ZNF565: variants seen among roughly 807,000 people sequenced by gnomAD.
ZNF565 encodes the protein zinc finger protein 565.
Under a neutral mutation model 39.4 loss-of-function variants are expected in ZNF565, and 27 were observed. That is an observed-to-expected ratio of 0.69 (90% CI 0.51 to 0.95). The LOEUF (loss-of-function observed/expected upper bound fraction) is 0.95, where lower values mean the gene tolerates loss of function less well. Among genes scored for constraint, ZNF565 ranks in the 40% least tolerant of loss-of-function variants. The pLI is 0.00. For synonymous variants in ZNF565, 185 were observed against 216.6 expected, an observed-to-expected ratio of 0.85 and a Z score of 1.28; for missense variants, 524 against 621.1, an observed-to-expected ratio of 0.84 and a Z score of 1.66.
At chr19:36,195,287 C>T (rs889526845) in intron 2 of ZNF565, 131 bp from the exon 3 acceptor site, 1 of 1,076,238 alleles carries the variant, frequency 9.3e-7, no homozygotes, top group African/African-American at 1.6e-5. Flanking sequence ...CAGTCTGCTT[C>T]AACAGTTAAC....
intron 1 of ZNF565, among the ~76,000 whole-genome samples, chr19:36,222,311 G>T (rs1424561414): frequency 6.6e-6 from 1 of 152,146 alleles, no homozygotes; most frequent in Non-Finnish European, 1.5e-5. Flanking sequence ...GATGCACCAT[G>T]GTTGATTCAG....
upstream of ZNF565, among the ~76,000 whole-genome samples, chr19:36,216,045 C>T (rs567486925): frequency 4.9e-4 from 74 of 152,126 alleles, no homozygotes; most frequent in Non-Finnish European, 8.8e-4. Context: ...ATCACCCCGC[C>T]CCCGCTGTCG....
rs189464498 is a variant in ZNF565, at chr19:36,232,028, C to G, written c.55+13448G>C. Among the ~76,000 whole-genome samples the G allele has an allele frequency of 4.4e-4, 67 of 151,974 alleles. 1 individual carries two copies. The East Asian group carries it at 0.01, about 24-fold the overall frequency. On this transcript the variant is annotated intron_variant, in intron 1 of 4. Transcript: ENST00000355114. Reference sequence around the variant, plus strand: ...GACTGGCCTGGCCAACATGGTAAAACCCCGTTTCTATTAAAAATACAAAAA... The same window carrying G: ...GACTGGCCTGGCCAACATGGTAAAAGCCCGTTTCTATTAAAAATACAAAAA...
chr19:36,239,942 A>AAT (rs1977770371), intron 1 of ZNF565, among the ~76,000 whole-genome samples: 1 of 152,230 alleles, frequency 6.6e-6, no homozygotes, highest in Non-Finnish European at 1.5e-5. Context: ...AACCTTAAAA[A>AAT]ACTCATTAAA....
intron 4 of ZNF565, among the ~76,000 whole-genome samples, chr19:36,186,411 T>G (rs1975301492): frequency 2.0e-5 from 3 of 152,204 alleles, no homozygotes; most frequent in Non-Finnish European, 4.4e-5. Context: ...GATTTTCATT[T>G]ACATATTCAT....
chr19:36,214,478 GCA>G (rs923756567), intron 1 of ZNF565, 142 bp downstream of exon 1: 35 of 153,306 alleles, frequency 2.3e-4, no homozygotes, highest in African/African-American at 8.4e-4. Context: ...GGTTACACGT[GCA>G]CAGTTGCAGA....
At chr19:36,213,150 G>C (rs1976425929) in intron 1 of ZNF565, 1 of 151,798 alleles carries the variant, frequency 6.6e-6, no homozygotes, top group Admixed American at 6.6e-5. Flanking sequence ...TCAAGCACTA[G>C]AGTCACTGGC....
rs141922613 is a variant in ZNF565 at position 36,210,163 on chromosome 19, G to A, written c.-66+4459C>T. 2.0e-3 allele frequency among the ~76,000 whole-genome samples: 305 copies of A among 151,822 alleles called. 3 individuals are homozygous for A. The highest frequency in any genetic ancestry group is 7.0e-3 in the African/African-American group (289 of 41,408). On this transcript the variant is annotated intron_variant, in intron 1 of 4. Transcript: ENST00000304116. Reference sequence around the variant, plus strand: ...AGGCCAGGTGTGGTGGCTTATGCCCGTAATCACAGCACTTTGGGAGGCAGA... The same window carrying A: ...AGGCCAGGTGTGGTGGCTTATGCCCATAATCACAGCACTTTGGGAGGCAGA...
At chr19:36,232,565 GA>G (rs2145449006) in intron 1 of ZNF565, among the ~76,000 whole-genome samples, 1 of 150,914 alleles carries the variant, frequency 6.6e-6, no homozygotes, top group Non-Finnish European at 1.5e-5. Context: ...AATAATCTAT[GA>G]ATTTTTTGTG....
In ZNF565 at chr19:36,182,881, G is replaced by A. The variant is rs1451222105; in HGVS notation, c.1085C>T (p.Pro362Leu). 1 of 1,613,922 alleles carries A rather than the reference G, an allele frequency of 6.2e-7. No individual in the cohort carries two copies. The highest frequency in any genetic ancestry group is 8.5e-7 in the Non-Finnish European group (1 of 1,180,038). The change falls in exon 5 of 5, where the codon CCC becomes CTC. Residue 362 changes from proline (P) to leucine (L), a missense_variant. Pro to Leu is a moderately conservative substitution (Grantham distance 98). Coordinates refer to ENST00000304116, the MANE Select transcript of ZNF565 (RefSeq NM_152477.5). ...RHQRIHSGEK[P>L]YECKECGKAF... ...CTTCCCACATTCCTTACACTCATAG[G>A]GTTTCTCCCCAGAATGAATTCTTTG...
At chr19:36,219,773 GTTGT>G (rs991089682) in intron 1 of ZNF565, among the ~76,000 whole-genome samples, 13 of 151,918 alleles carry the variant, frequency 8.6e-5, no homozygotes, top group South Asian at 4.1e-4. Context: ...TTTTGTTGTT[GTTGT>G]TTGTTTGTTT....
intron 1 of ZNF565, among the ~76,000 whole-genome samples, chr19:36,223,673 T>A (rs1391230336): frequency 1.0e-4 from 3 of 29,098 alleles, no homozygotes; most frequent in Non-Finnish European, 1.9e-4. Context: ...GATTCATCAG[T>A]CTTTTATGGT....
rs189514136 is a variant in ZNF565 at position 36,238,011 on chromosome 19, T to C, written c.55+7465A>G. 9 of 167,244 alleles carry C rather than the reference T, an allele frequency of 5.4e-5. No individual in the cohort carries two copies. The South Asian group carries it at 8.3e-4, about 15-fold the overall frequency. The allele number at this position is 167,244 out of a possible 1,614,324, so 10.4% of individuals were successfully genotyped here. A position where few individuals can be genotyped will look rare whatever the true frequency, so the allele number is the denominator to read the frequency against. Reference sequence around the variant, plus strand: ...GAGAAATACTTAGCGGTTCTACTTATGAGTATGAATGCTCAGGAAATACGC... The same window carrying C: ...GAGAAATACTTAGCGGTTCTACTTACGAGTATGAATGCTCAGGAAATACGC... On this transcript the variant is annotated intron_variant, in intron 1 of 4. Coordinates refer to the ZNF565 transcript ENST00000355114.
intron 2 of ZNF565, 90 bp from the exon 3 acceptor site, chr19:36,195,246 T>C: frequency 2.0e-6 from 3 of 1,496,920 alleles, no homozygotes; most frequent in South Asian, 1.3e-5. Context: ...GTACAGAGAA[T>C]AGTTGACAGT....
At chr19:36,207,145 G>C (rs1976186000) in intron 1 of ZNF565, among the ~76,000 whole-genome samples, 1 of 152,218 alleles carries the variant, frequency 6.6e-6, no homozygotes, top group Non-Finnish European at 1.5e-5. Flanking sequence ...CTAGAAGCCA[G>C]ATCACAAGGA....
chr19:36,226,730 T>G (rs1977083874), intron 1 of ZNF565, among the ~76,000 whole-genome samples: 1 of 152,346 alleles, frequency 6.6e-6, no homozygotes, highest in Admixed American at 6.5e-5. Context: ...TTAGTATTAT[T>G]TAATCCAAAG....
intron 1 of ZNF565, among the ~76,000 whole-genome samples, chr19:36,205,266 G>A (rs1335680776): frequency 2.0e-5 from 3 of 152,038 alleles, no homozygotes; most frequent in Non-Finnish European, 2.9e-5. Flanking sequence ...CGGTGCCCAC[G>A]CCTGTAATCC....
At chr19:36,205,010 A>G (rs576168800) in intron 1 of ZNF565, among the ~76,000 whole-genome samples, 1 of 151,848 alleles carries the variant, frequency 6.6e-6, no homozygotes, top group South Asian at 2.1e-4. Flanking sequence ...AAGAAAATGA[A>G]GATGTATGAA....
chr19:36,188,641 G>A (rs1190686555), intron 4 of ZNF565, among the ~76,000 whole-genome samples: 1 of 151,530 alleles, frequency 6.6e-6, no homozygotes, highest in East Asian at 1.9e-4. Context: ...GCATCTGGGA[G>A]GTGGAGGTTG....
Sources: gnomAD v4.1 joint callset for allele counts (sites outside exome capture counted in the v4.1 genomes callset) on GRCh38, gnomAD v4.1.1 for gene constraint, MANE v1.5 for transcripts, NCBI Gene and HGNC (gene_info 2026-07-23, HGNC 2026-07-21) for gene names.